Variants in LRRTM4 observed in about 807,000 individuals in gnomAD.
The protein encoded by LRRTM4 is leucine rich repeat transmembrane neuronal 4.
In LRRTM4, 25 loss-of-function variants were observed where a neutral mutation model predicts 47.6. That is an observed-to-expected ratio of 0.53 (90% CI 0.38 to 0.73). LRRTM4 has a LOEUF of 0.73. LRRTM4 is among the 30% of genes least tolerant of loss of function. LRRTM4 has a pLI of 0.00. For missense variants in LRRTM4, 638 were observed against 713.4 expected, an observed-to-expected ratio of 0.89 and a Z score of 1.20; for synonymous variants, 311 against 269.5, an observed-to-expected ratio of 1.15 and a Z score of -1.51.
intron 3 of LRRTM4, among the ~76,000 whole-genome samples, chr2:77,303,392 C>T (rs1267806316): frequency 6.6e-6 from 1 of 152,160 alleles, no homozygotes; most frequent in African/African-American, 2.4e-5. Flanking sequence ...GCAGAGAAGA[C>T]ATTTATAATT....
At chr2:76,929,503 G>C (rs1189993814) in intron 3 of LRRTM4, among the ~76,000 whole-genome samples, 1 of 152,172 alleles carries the variant, frequency 6.6e-6, no homozygotes, top group Non-Finnish European at 1.5e-5. Flanking sequence ...GATAATTTTA[G>C]ACCTGCTCTG....
At chr2:77,082,664 G>T (rs371943023) in intron 3 of LRRTM4, among the ~76,000 whole-genome samples, 1 of 148,722 alleles carries the variant, frequency 6.7e-6, no homozygotes, top group Admixed American at 6.7e-5. Flanking sequence ...AATTTATCTC[G>T]CTAGTTAAAA....
chr2:76,872,559 A>G (rs1049619423), intron 3 of LRRTM4, among the ~76,000 whole-genome samples: 1 of 151,924 alleles, frequency 6.6e-6, no homozygotes, highest in African/African-American at 2.4e-5. Context: ...TTTGTCACTT[A>G]CATAGCACTT....
chr2:76,884,965 G>C (rs1471223888), intron 3 of LRRTM4, among the ~76,000 whole-genome samples: 1 of 152,022 alleles, frequency 6.6e-6, no homozygotes, highest in East Asian at 1.9e-4. Flanking sequence ...AAAAAAGCTT[G>C]CAATATGATG....
intron 3 of LRRTM4, among the ~76,000 whole-genome samples, chr2:76,911,939 G>T (rs571186072): frequency 0.25 from 25,538 of 101,568 alleles, 4,170 homozygotes; most frequent in East Asian, 0.62. Flanking sequence ...GCTTTTTGGG[G>T]GGGGGGGGGG....
In LRRTM4 at chr2:77,207,730, TAAAC is replaced by T. The variant is rs575222687; in HGVS notation, c.1551+310584_1551+310587del. 8.0e-4 allele frequency among the ~76,000 whole-genome samples: 122 copies of T among 152,198 alleles called. 1 individual carries two copies. The highest frequency in any genetic ancestry group is 1.4e-3 in the Non-Finnish European group (94 of 68,010). ...CTCCTTAATATTTTCAACTCATAAA[TAAAC>T]TATGTATGATATGTTCCATCACTTA... is the stretch of plus-strand genomic sequence containing the variant. On this transcript the variant is annotated intron_variant, in intron 3 of 3. Transcript: ENST00000409884.
chr2:77,136,088 T>C (rs1671931562), intron 3 of LRRTM4, among the ~76,000 whole-genome samples: 1 of 151,962 alleles, frequency 6.6e-6, no homozygotes, highest in Admixed American at 6.6e-5. Flanking sequence ...ACGCAGAAGA[T>C]GGGTGATTTC....
intron 3 of LRRTM4, among the ~76,000 whole-genome samples, chr2:76,955,561 C>T (rs919929290): frequency 3.3e-5 from 5 of 151,716 alleles, no homozygotes; most frequent in African/African-American, 1.2e-4. Context: ...TACAAGACAG[C>T]GATATGAACT....
chr2:76,836,175 A>G (rs1671507430), intron 3 of LRRTM4, among the ~76,000 whole-genome samples: 1 of 146,216 alleles, frequency 6.8e-6, no homozygotes, highest in Non-Finnish European at 1.5e-5. Context: ...AAAAAAAAAA[A>G]TAACAGTGAA....
At chr2:76,789,833 G>T (rs1232347428) in intron 3 of LRRTM4, among the ~76,000 whole-genome samples, 2 of 152,110 alleles carry the variant, frequency 1.3e-5, no homozygotes, top group African/African-American at 4.8e-5. Context: ...TATTTCCTGG[G>T]TGGGAGATAA....
chr2:76,780,130 C>T (rs181655146), intron 3 of LRRTM4, among the ~76,000 whole-genome samples: 3,682 of 152,216 alleles, frequency 0.024, 143 homozygotes, highest in African/African-American at 0.08. Context: ...CCGAGAGATC[C>T]GCTGTTAGTC....
chr2:77,069,106 T>C (rs951434472), intron 3 of LRRTM4, among the ~76,000 whole-genome samples: 1 of 152,068 alleles, frequency 6.6e-6, no homozygotes, highest in Non-Finnish European at 1.5e-5. Flanking sequence ...CATGGGTAAA[T>C]CTCTATTCGA....
intron 3 of LRRTM4, among the ~76,000 whole-genome samples, chr2:77,088,100 G>A (rs1227871783): frequency 6.6e-6 from 1 of 152,170 alleles, no homozygotes; most frequent in Non-Finnish European, 1.5e-5. Flanking sequence ...TAAATGATTG[G>A]TCTTGCCTGA....
chr2:77,085,417 A>C (rs1366457265), intron 3 of LRRTM4, among the ~76,000 whole-genome samples: 2 of 147,432 alleles, frequency 1.4e-5, no homozygotes, highest in African/African-American at 2.5e-5. Flanking sequence ...TGTTATTTGT[A>C]TACTTTTGAA....
intron 3 of LRRTM4, among the ~76,000 whole-genome samples, chr2:77,046,853 A>G (rs1679252417): frequency 6.6e-6 from 1 of 152,006 alleles, no homozygotes; most frequent in African/African-American, 2.4e-5. Flanking sequence ...AGTATTCACA[A>G]TGCATTTATC....
chr2:77,485,226 A>G (rs984339193), intron 3 of LRRTM4, among the ~76,000 whole-genome samples: 4 of 152,116 alleles, frequency 2.6e-5, no homozygotes, highest in Non-Finnish European at 5.9e-5. Context: ...GTATATAAAT[A>G]CAGAATATTT....
chr2:77,088,670 C>G (rs1680812570), intron 3 of LRRTM4, among the ~76,000 whole-genome samples: 1 of 152,172 alleles, frequency 6.6e-6, no homozygotes, highest in South Asian at 2.1e-4. Context: ...CACGGACGCG[C>G]ATGAAATTTG....
chr2:77,185,058 C>T (rs912051514), intron 3 of LRRTM4, among the ~76,000 whole-genome samples: 1 of 152,146 alleles, frequency 6.6e-6, no homozygotes, highest in Non-Finnish European at 1.5e-5. Flanking sequence ...AAAATTAATA[C>T]TTCTGGCCTT....
chr2:76,831,281 A>T (rs1671344800), intron 3 of LRRTM4, among the ~76,000 whole-genome samples: 1 of 152,182 alleles, frequency 6.6e-6, no homozygotes, highest in African/African-American at 2.4e-5. Flanking sequence ...TTGCAACTAC[A>T]GGATACTATT....
Sources: allele counts gnomAD v4.1 joint callset (sites outside exome capture counted in the v4.1 genomes callset), GRCh38; gene constraint gnomAD v4.1.1; transcripts MANE v1.5; gene names NCBI Gene and HGNC (gene_info 2026-07-23, HGNC 2026-07-21).